Variants in NME8 observed in about 807,000 individuals in gnomAD.
The protein encoded by NME8 is NME/NM23 family member 8.
A neutral mutation model predicts 82.3 loss-of-function variants in NME8; 72 were observed. The ratio of observed to expected loss-of-function variants is 0.87; its 90% CI spans 0.72 to 1.06. The LOEUF is 1.06. Among genes scored for constraint, NME8 ranks in the 50% least tolerant of loss-of-function variants. NME8 has a pLI of 0.00. For missense variants in NME8, 712 were observed against 685.4 expected (o/e 1.04, Z -0.43); for synonymous variants, 267 against 228.5 (o/e 1.17, Z -1.52).
chr7:37,865,175 C>A (rs1156412061), intron 9 of NME8, among the ~76,000 whole-genome samples: 1 of 152,194 alleles, frequency 6.6e-6, no homozygotes, highest in Admixed American at 6.5e-5. Flanking sequence ...TCATCTGAGA[C>A]AAGGCAAGTC....
intron 11 of NME8, among the ~76,000 whole-genome samples, chr7:37,870,726 T>C (rs1291121443): frequency 6.6e-6 from 1 of 152,142 alleles, no homozygotes; most frequent in Non-Finnish European, 1.5e-5. Context: ...GGGTGGGTAC[T>C]CACTCTGTGG....
intron 6 of NME8, among the ~76,000 whole-genome samples, chr7:37,861,077 T>G (rs1327088801): frequency 1.3e-5 from 2 of 152,212 alleles, no homozygotes; most frequent in African/African-American, 4.8e-5. Context: ...AATATTTTCT[T>G]TTGCTCCCCC....
At chr7:37,877,934 T>A (rs1218353930) in intron 12 of NME8, among the ~76,000 whole-genome samples, 1 of 152,218 alleles carries the variant, frequency 6.6e-6, no homozygotes. Flanking sequence ...AGTGAGATAC[T>A]TGTTCCTCTT....
chr7:37,886,873 C>A (rs868194926), intron 14 of NME8, among the ~76,000 whole-genome samples: 14 of 145,206 alleles, frequency 9.6e-5, no homozygotes, highest in South Asian at 2.2e-4. Flanking sequence ...AAAAAAAAAA[C>A]AAAAACAAAC....
intron 14 of NME8, 131 bp downstream of exon 14, chr7:37,885,383 G>A (rs1036473693): frequency 5.3e-5 from 38 of 710,690 alleles, no homozygotes; most frequent in East Asian, 5.1e-4. Flanking sequence ...TCCTGGGGAC[G>A]GAGTGGACTG....
intron 6 of NME8, among the ~76,000 whole-genome samples, chr7:37,857,970 G>A (rs541531658): frequency 1.3e-5 from 2 of 152,274 alleles, no homozygotes; most frequent in South Asian, 4.1e-4. Flanking sequence ...GCTGAGGTGG[G>A]AGGATTGCTT....
At chr7:37,860,442 C>CT (rs969776023) in intron 6 of NME8, among the ~76,000 whole-genome samples, 1 of 152,202 alleles carries the variant, frequency 6.6e-6, no homozygotes, top group Non-Finnish European at 1.5e-5. Flanking sequence ...ATTTGTACCT[C>CT]TTAAATGGTT....
In NME8 at chr7:37,850,696, A is replaced by G. The variant is rs1235767265; in HGVS notation, c.159A>G (p.Lys53=). Residue 53 remains lysine, a synonymous_variant, in exon 5 of 18, where the codon AAA becomes AAG. Coordinates refer to ENST00000199447, the MANE Select transcript of NME8 (RefSeq NM_016616.5). ...TGCAACCTTTATTCAGAAAATTGAA[A>G]AATGAACTGAACGAAGACGAAATTC... ...RAMQPLFRKL[K]NELNEDEILH... 1 of 1,613,712 alleles carries G rather than the reference A, an allele frequency of 6.2e-7. No homozygotes were observed. Among genetic ancestry groups the G allele is most frequent in the Non-Finnish European group, 8.5e-7 (1 of 1,179,750 alleles).
intron 15 of NME8, among the ~76,000 whole-genome samples, chr7:37,889,069 TG>T (rs1183507614): frequency 6.6e-6 from 1 of 152,062 alleles, no homozygotes; most frequent in African/African-American, 2.4e-5. Flanking sequence ...CTGGGCCTGT[TG>T]TTTTTTTGTG....
intron 15 of NME8, among the ~76,000 whole-genome samples, chr7:37,892,604 T>C (rs953345416): frequency 1.3e-5 from 2 of 151,988 alleles, no homozygotes; most frequent in Admixed American, 6.6e-5. Context: ...TGACTTCTCT[T>C]TCTTTATTTT....
At chr7:37,870,008 C>T (rs1340740142) in intron 11 of NME8, among the ~76,000 whole-genome samples, 2 of 152,044 alleles carry the variant, frequency 1.3e-5, no homozygotes, top group African/African-American at 4.8e-5. Flanking sequence ...AGAATGTAAC[C>T]ACATCTGAAC....
chr7:37,852,505 C>G (rs768052253), intron 5 of NME8, among the ~76,000 whole-genome samples: 1 of 152,186 alleles, frequency 6.6e-6, no homozygotes, highest in Non-Finnish European at 1.5e-5. Context: ...CTGTTCATCT[C>G]TCCCTACCTC....
intron 12 of NME8, among the ~76,000 whole-genome samples, chr7:37,883,985 A>C (rs547656988): frequency 7.8e-4 from 111 of 142,070 alleles, no homozygotes; most frequent in South Asian, 7.0e-3. Context: ...ACACACACAC[A>C]CCCACACAAT....
At chr7:37,854,481 C>T (rs543405296) in intron 5 of NME8, among the ~76,000 whole-genome samples, 36 of 152,150 alleles carry the variant, frequency 2.4e-4, no homozygotes, top group African/African-American at 7.7e-4. Context: ...TTCTGTCTGA[C>T]GTTTTTGCTT....
intron 5 of NME8, among the ~76,000 whole-genome samples, chr7:37,854,853 T>C (rs942891393): frequency 3.3e-5 from 5 of 152,186 alleles, no homozygotes; most frequent in Non-Finnish European, 7.3e-5. Flanking sequence ...ACTTCCTTAA[T>C]TGGCTCTGTC....
At chr7:37,849,557 G>A (rs1784408247) in intron 2 of NME8, among the ~76,000 whole-genome samples, 2 of 152,048 alleles carry the variant, frequency 1.3e-5, no homozygotes, top group South Asian at 4.2e-4. Flanking sequence ...TGTACAGTGG[G>A]GAAATTTTTC....
intron 12 of NME8, among the ~76,000 whole-genome samples, chr7:37,878,014 G>A (rs1334539519): frequency 6.6e-6 from 1 of 152,090 alleles, no homozygotes; most frequent in Non-Finnish European, 1.5e-5. Context: ...CCTGTATGAC[G>A]CTGAATTGGA....
chr7:37,865,718 CA>C, intron 10 of NME8, 101 bp downstream of exon 10: 1 of 769,820 alleles, frequency 1.3e-6, no homozygotes, highest in South Asian at 1.5e-5. Context: ...TAAGTCTGAA[CA>C]ACTAAAATAA....
At chr7:37,888,833 A>G (rs1272455437) in intron 15 of NME8, among the ~76,000 whole-genome samples, 1 of 151,740 alleles carries the variant, frequency 6.6e-6, no homozygotes, top group Non-Finnish European at 1.5e-5. Flanking sequence ...TAGATACGCT[A>G]TTGGATACTA....
Sources: allele counts gnomAD v4.1 joint callset (sites outside exome capture counted in the v4.1 genomes callset), GRCh38; gene constraint gnomAD v4.1.1; transcripts MANE v1.5; gene names NCBI Gene and HGNC (gene_info 2026-07-23, HGNC 2026-07-21).